Variants in PCDHA7 observed in about 807,000 individuals in gnomAD.
The protein encoded by PCDHA7 is protocadherin alpha 7.
PCDHA7 carries 37 observed loss-of-function variants against 57.2 expected under a neutral mutation model. The ratio of observed to expected loss-of-function variants is 0.65; its 90% CI spans 0.50 to 0.85. The LOEUF (loss-of-function observed/expected upper bound fraction) is 0.85, where lower values mean the gene tolerates loss of function less well. Ranked by LOEUF, PCDHA7 falls within the 40% of genes least tolerant of loss-of-function variation. The pLI, the probability that PCDHA7 is intolerant of heterozygous loss-of-function variation, is 0.00. For missense variants in PCDHA7, 1,188 were observed against 1,241.8 expected, an observed-to-expected ratio of 0.96 and a Z score of 0.65; for synonymous variants, 553 against 558.8, an observed-to-expected ratio of 0.99 and a Z score of 0.15.
intron 1 of PCDHA7, among the ~76,000 whole-genome samples, chr5:140,975,946 A>T (rs989122714): frequency 6.6e-6 from 1 of 152,210 alleles, no homozygotes; most frequent in Non-Finnish European, 1.5e-5. Context: ...AATAGGACAT[A>T]TTAGAGTTCT....
At chr5:140,907,846 C>T (rs2073638181) in intron 1 of PCDHA7, among the ~76,000 whole-genome samples, 1 of 152,246 alleles carries the variant, frequency 6.6e-6, no homozygotes, top group Admixed American at 6.5e-5. Flanking sequence ...TTAAAATCCT[C>T]CTCTGCTGAG....
chr5:140,860,441 A>T (rs1038700248), intron 1 of PCDHA7: 3 of 152,166 alleles, frequency 2.0e-5, no homozygotes, highest in African/African-American at 4.8e-5. Context: ...GATCTTTTTC[A>T]TATTAATTCA....
At chr5:140,870,132 C>T (rs371110623) in intron 1 of PCDHA7, 43 of 1,613,852 alleles carry the variant, frequency 2.7e-5, no homozygotes, top group East Asian at 4.5e-5. Context: ...TGGACACCAA[C>T]GATAACTCTC....
Position 140,841,862 on chromosome 5 carries a change from G to C in PCDHA7, c.2355+5124G>C, listed in dbSNP as rs145069696. 3.2e-4 allele frequency: 514 copies of C among 1,613,850 alleles called. 1 individual carries two copies. The highest frequency in any genetic ancestry group is 2.6e-3 in the Middle Eastern group (16 of 6,062). On this transcript the variant is annotated intron_variant, in intron 1 of 3. Transcript: ENST00000525929. ...TAGCTCTCATGATTACTTCATGCTA[G>C]ATGTGAATTCAAAGAACGATGAGAA...
intron 3 of PCDHA7, among the ~76,000 whole-genome samples, chr5:140,991,357 T>G (rs1409351374): frequency 2.6e-5 from 4 of 152,258 alleles, no homozygotes; most frequent in African/African-American, 9.6e-5. Flanking sequence ...AAAGACTATT[T>G]ACTGTCTGAG....
At chr5:140,945,424 A>T (rs1227744054) in intron 1 of PCDHA7, among the ~76,000 whole-genome samples, 1 of 152,116 alleles carries the variant, frequency 6.6e-6, no homozygotes, top group Non-Finnish European at 1.5e-5. Context: ...ATTTCAATGA[A>T]GTTTTTACAG....
At chr5:140,916,367 CT>C (rs1359695566) in intron 1 of PCDHA7, among the ~76,000 whole-genome samples, 1 of 152,196 alleles carries the variant, frequency 6.6e-6, no homozygotes, top group Non-Finnish European at 1.5e-5. Flanking sequence ...GAGTCTTTCA[CT>C]GTAGCCACCA....
intron 1 of PCDHA7, chr5:140,871,083 C>A: frequency 1.1e-5 from 18 of 1,613,186 alleles, no homozygotes; most frequent in Non-Finnish European, 1.4e-5. Flanking sequence ...CGCTGACGGC[C>A]ACGGCCACCG....
At chr5:140,990,130 G>A (rs1448603304) in intron 3 of PCDHA7, among the ~76,000 whole-genome samples, 1 of 152,066 alleles carries the variant, frequency 6.6e-6, no homozygotes, top group Admixed American at 6.6e-5. Flanking sequence ...GTAGAAGTCA[G>A]ACTCAAGAGG....
At chr5:141,005,018 T>C (rs2098193299) in intron 3 of PCDHA7, among the ~76,000 whole-genome samples, 1 of 152,250 alleles carries the variant, frequency 6.6e-6, no homozygotes, top group Non-Finnish European at 1.5e-5. Flanking sequence ...AGCTGCATTA[T>C]ATATAATTGC....
At chr5:140,840,992 T>G (rs2150176652) in intron 1 of PCDHA7, among the ~76,000 whole-genome samples, 1 of 152,166 alleles carries the variant, frequency 6.6e-6, no homozygotes, top group African/African-American at 2.4e-5. Context: ...TAGCTGAAAC[T>G]AATGTAAGGA....
chr5:140,905,342 TGTAA>T (rs2071759657), intron 1 of PCDHA7, among the ~76,000 whole-genome samples: 1 of 152,234 alleles, frequency 6.6e-6, no homozygotes, highest in Non-Finnish European at 1.5e-5. Context: ...ATCAGTTGGC[TGTAA>T]GTATTTGACT....
At chr5:140,870,122 T>G in intron 1 of PCDHA7, 1 of 1,613,956 alleles carries the variant, frequency 6.2e-7, no homozygotes. Flanking sequence ...GTGGAAATCT[T>G]GGACACCAAC....
intron 1 of PCDHA7, chr5:140,847,826 A>T (rs914616937): frequency 6.7e-6 from 1 of 149,784 alleles, no homozygotes; most frequent in Non-Finnish European, 1.5e-5. Flanking sequence ...TACTCAAGAA[A>T]ACTACCTCAG....
At chr5:140,883,786 C>G in intron 1 of PCDHA7, 1 of 1,612,422 alleles carries the variant, frequency 6.2e-7, no homozygotes, top group Admixed American at 1.7e-5. Flanking sequence ...CGCTGTCGAG[C>G]TACGTGTCGG....
intron 1 of PCDHA7, among the ~76,000 whole-genome samples, chr5:140,975,074 G>C (rs2096653166): frequency 1.3e-5 from 2 of 152,152 alleles, no homozygotes; most frequent in South Asian, 4.1e-4. Flanking sequence ...CATTCAGATT[G>C]TTGGCAGAAT....
chr5:140,879,879 G>A lies in PCDHA7; in HGVS notation c.2355+43141G>A, dbSNP rs564256513. Among the ~76,000 whole-genome samples the A allele has an allele frequency of 4.6e-5, 7 of 152,240 alleles. No individual in the cohort carries two copies. In the South Asian group the frequency reaches 1.5e-3, roughly 32 times the overall value. On this transcript the variant is annotated intron_variant, in intron 1 of 3. Coordinates refer to ENST00000525929, the MANE Select transcript of PCDHA7 (RefSeq NM_018910.3). ...CCTTCTCAGCTTTCATGGTCACATT[G>A]CCTCCTCCTCTCCATGTCTCTCTCT... is the stretch of plus-strand genomic sequence containing the variant.
chr5:140,980,949 A>G (rs1187381167), intron 2 of PCDHA7, among the ~76,000 whole-genome samples: 1 of 152,182 alleles, frequency 6.6e-6, no homozygotes, highest in East Asian at 1.9e-4. Context: ...TGGCTCCAGG[A>G]TAGTTACACC....
At chr5:140,955,648 A>G (rs1554222007) in intron 1 of PCDHA7, among the ~76,000 whole-genome samples, 1 of 152,138 alleles carries the variant, frequency 6.6e-6, no homozygotes, top group East Asian at 1.9e-4. Flanking sequence ...ACAAATTAAT[A>G]CACATATGAA....
Sources: gnomAD v4.1 joint callset for allele counts (sites outside exome capture counted in the v4.1 genomes callset) on GRCh38, gnomAD v4.1.1 for gene constraint, MANE v1.5 for transcripts, NCBI Gene and HGNC (gene_info 2026-07-23, HGNC 2026-07-21) for gene names.